Variants in TENM3 observed in about 807,000 individuals in gnomAD.
The protein encoded by TENM3 is teneurin transmembrane protein 3.
In TENM3, 63 loss-of-function variants were observed where a neutral mutation model predicts 255.1. The observed-to-expected ratio is 0.25, with a 90% CI of 0.20 to 0.30. The LOEUF is 0.30. Ranked by LOEUF, TENM3 falls within the 10% of genes least tolerant of loss-of-function variation. TENM3 has a pLI of 1.00. For missense variants in TENM3, 2,929 were observed against 3,461.1 expected, an observed-to-expected ratio of 0.85 and a Z score of 3.86; for synonymous variants, 1,306 against 1,322.3, an observed-to-expected ratio of 0.99 and a Z score of 0.27.
chr4:182,609,889 G>T lies in TENM3; in HGVS notation c.749+8728G>T, dbSNP rs74289536. Reference sequence around the variant, plus strand: ...TCTTTGCTTTTTATTCTTTTCTTAGGCTATGTGTTTAAAGGAAAAATAATT... The same window carrying T: ...TCTTTGCTTTTTATTCTTTTCTTAGTCTATGTGTTTAAAGGAAAAATAATT... On this transcript the variant is annotated intron_variant, in intron 4 of 27. Transcript: ENST00000511685. Among the ~76,000 whole-genome samples the T allele has an allele frequency of 2.7e-4, 41 of 152,190 alleles. No homozygotes were observed. In the East Asian group the frequency reaches 7.3e-3, roughly 27 times the overall value.
At chr4:181,485,177 C>T in the TENM3 span, among the ~76,000 whole-genome samples, 1 of 152,034 alleles carries the variant, frequency 6.6e-6, no homozygotes, top group Non-Finnish European at 1.5e-5. Context: ...TCACTGATGG[C>T]CTCTATCAAA....
At chr4:182,177,614 A>ATTTTTT (rs5864769) in intron 1 of TENM3, among the ~76,000 whole-genome samples, 1 of 132,854 alleles carries the variant, frequency 7.5e-6, no homozygotes, top group African/African-American at 2.6e-5. Flanking sequence ...ATATATATAT[A>ATTTTTT]TTTTTTTTTT....
At chr4:181,490,083 A>G in the TENM3 span, among the ~76,000 whole-genome samples, 49 of 152,264 alleles carry the variant, frequency 3.2e-4, no homozygotes, top group Non-Finnish European at 5.0e-4. Context: ...GGCACATGTG[A>G]TATCTTAAAT....
chr4:181,593,455 C>G, the TENM3 span, among the ~76,000 whole-genome samples: 3 of 152,288 alleles, frequency 2.0e-5, no homozygotes, highest in African/African-American at 7.2e-5. Flanking sequence ...AGTTTAAGAG[C>G]TGCCGGTCTA....
chr4:181,881,592 T>C, the TENM3 span, among the ~76,000 whole-genome samples: 1 of 152,156 alleles, frequency 6.6e-6, no homozygotes, highest in East Asian at 1.9e-4. Flanking sequence ...TGATCTTTGT[T>C]TTTGACCCCC....
intron 3 of TENM3, among the ~76,000 whole-genome samples, chr4:182,431,991 G>A (rs1390734446): frequency 2.6e-5 from 4 of 151,324 alleles, no homozygotes; most frequent in Admixed American, 6.6e-5. Flanking sequence ...CAGTAGAATC[G>A]CTTGAACCTG....
the TENM3 span, among the ~76,000 whole-genome samples, chr4:181,506,184 T>C: frequency 6.6e-6 from 1 of 152,120 alleles, no homozygotes; most frequent in African/African-American, 2.4e-5. Context: ...ACTGTATCAA[T>C]AATAAAGAAC....
chr4:182,597,171 C>T (rs762443195), intron 3 of TENM3, among the ~76,000 whole-genome samples: 13 of 152,082 alleles, frequency 8.5e-5, no homozygotes, highest in East Asian at 1.9e-4. Flanking sequence ...GGGAGGCCTC[C>T]GCGGGAGGAT....
the TENM3 span, among the ~76,000 whole-genome samples, chr4:182,060,505 G>A: frequency 6.6e-6 from 1 of 152,102 alleles, no homozygotes; most frequent in African/African-American, 2.4e-5. Context: ...ACAGGAGGCA[G>A]AGCTCAGGCA....
intron 1 of TENM3, among the ~76,000 whole-genome samples, chr4:182,283,110 T>TA (rs1760499963): frequency 6.6e-6 from 1 of 152,164 alleles, no homozygotes. Context: ...CTTGGATACT[T>TA]ACCGCATTTT....
the TENM3 span, among the ~76,000 whole-genome samples, chr4:181,599,113 T>C: frequency 6.6e-6 from 1 of 152,146 alleles, no homozygotes; most frequent in Non-Finnish European, 1.5e-5. Flanking sequence ...GGCAAAAATA[T>C]CGAGTTATCC....
chr4:182,559,068 C>T (rs1198410730), intron 3 of TENM3, among the ~76,000 whole-genome samples: 2 of 151,172 alleles, frequency 1.3e-5, no homozygotes, highest in East Asian at 3.9e-4. Flanking sequence ...ATTATTCTTT[C>T]ACATTATTCT....
chr4:182,463,873 C>T (rs904172545), intron 3 of TENM3, among the ~76,000 whole-genome samples: 6 of 151,994 alleles, frequency 3.9e-5, no homozygotes, highest in Admixed American at 6.6e-5. Flanking sequence ...CCACCCGCCT[C>T]GGCCTCCCAA....
At position 182,789,185 on chromosome 4, in the gene TENM3, C is replaced by T. The variant is rs369573847; in HGVS notation, c.5397C>T (p.Ile1799=). ...YDDHRKFLLR[I]AYDTSGHPTL... Reference sequence around the variant, plus strand: ...ACCACCGTAAATTTCTACTGAGGATCGCCTACGACACGTCTGGGCACCCGA... The same window carrying T: ...ACCACCGTAAATTTCTACTGAGGATTGCCTACGACACGTCTGGGCACCCGA... Residue 1799 remains isoleucine, a synonymous_variant, in exon 25 of 28, where the codon ATC becomes ATT. Coordinates refer to ENST00000511685, the MANE Select transcript of TENM3 (RefSeq NM_001080477.4). The surrounding 1 kb of genome is among the most constrained non-coding windows in gnomAD (Gnocchi z 4.4). The T allele has an allele frequency of 3.1e-6, 5 of 1,612,822 alleles. No individual in the cohort carries two copies. Among genetic ancestry groups the T allele is most frequent in the African/African-American group, 2.7e-5 (2 of 74,898 alleles).
At chr4:181,635,579 G>A in the TENM3 span, among the ~76,000 whole-genome samples, 4 of 152,186 alleles carry the variant, frequency 2.6e-5, no homozygotes, top group Non-Finnish European at 5.9e-5. Flanking sequence ...TCTTCCATAA[G>A]ACAGTGGTTG....
intron 3 of TENM3, among the ~76,000 whole-genome samples, chr4:182,599,608 G>T (rs1221861513): frequency 6.6e-6 from 1 of 152,068 alleles, no homozygotes; most frequent in Non-Finnish European, 1.5e-5. Flanking sequence ...ATTGTACCCT[G>T]TAAAGAGGTT....
At chr4:182,261,426 A>G (rs1463265337) in intron 1 of TENM3, among the ~76,000 whole-genome samples, 1 of 152,164 alleles carries the variant, frequency 6.6e-6, no homozygotes, top group Admixed American at 6.5e-5. Context: ...TGTGGCAGCC[A>G]GGTCAGGGGA....
the TENM3 span, among the ~76,000 whole-genome samples, chr4:181,668,529 C>G: frequency 6.6e-6 from 1 of 152,074 alleles, no homozygotes; most frequent in Non-Finnish European, 1.5e-5. Context: ...TCCAGTGGTT[C>G]CTTTGCTTGT....
chr4:182,381,833 T>C (rs896268655), intron 3 of TENM3, among the ~76,000 whole-genome samples: 2 of 152,230 alleles, frequency 1.3e-5, no homozygotes, highest in Non-Finnish European at 2.9e-5. Flanking sequence ...AGTGCTGGGA[T>C]TACAGGCGTG....
Sources: gnomAD v4.1 joint callset for allele counts (sites outside exome capture counted in the v4.1 genomes callset) on GRCh38, gnomAD v4.1.1 for gene constraint, Gnocchi (gnomAD v3.1) non-coding constraint, MANE v1.5 for transcripts, NCBI Gene and HGNC (gene_info 2026-07-23, HGNC 2026-07-21) for gene names.